SLC17A8: variants seen among roughly 807,000 people sequenced by gnomAD.
SLC17A8 encodes solute carrier family 17 member 8, also known as vesicular glutamate transporter 3.
In SLC17A8, 31 loss-of-function variants were observed where a neutral mutation model predicts 58.0. The ratio of observed to expected loss-of-function variants is 0.53; its 90% CI spans 0.40 to 0.72. The LOEUF (loss-of-function observed/expected upper bound fraction) is 0.72. Ranked by LOEUF, SLC17A8 falls within the 30% of genes least tolerant of loss-of-function variation. SLC17A8 has a pLI of 0.00. For synonymous variants in SLC17A8, 228 were observed against 249.0 expected (o/e 0.92, Z 0.79); for missense variants, 655 against 727.8 (o/e 0.90, Z 1.15).
intron 5 of SLC17A8, 106 bp downstream of exon 5, chr12:100,396,523 A>G: frequency 1.2e-6 from 1 of 820,358 alleles, no homozygotes; most frequent in Non-Finnish European, 2.1e-6. Context: ...CCGAGGCAGG[A>G]GGATCCCTGG....
intron 5 of SLC17A8, among the ~76,000 whole-genome samples, chr12:100,397,741 A>G (rs1271782810): frequency 1.3e-5 from 2 of 152,122 alleles, no homozygotes; most frequent in Non-Finnish European, 2.9e-5. Flanking sequence ...TAGGAGTTTG[A>G]GACCAACCTG....
At chr12:100,400,739 C>T (rs1952785156) in intron 5 of SLC17A8, among the ~76,000 whole-genome samples, 1 of 151,946 alleles carries the variant, frequency 6.6e-6, no homozygotes, top group Admixed American at 6.6e-5. Context: ...GTAACTTCTC[C>T]TTTCAGCTAA....
At chr12:100,403,330 G>A (rs896422137) in intron 8 of SLC17A8, among the ~76,000 whole-genome samples, 2 of 152,054 alleles carry the variant, frequency 1.3e-5, no homozygotes, top group Admixed American at 6.5e-5. Context: ...TTAGCTGGGC[G>A]TAGTGATGCA....
At chr12:100,419,022 T>C (rs1474571442) in intron 11 of SLC17A8, among the ~76,000 whole-genome samples, 1 of 152,214 alleles carries the variant, frequency 6.6e-6, no homozygotes, top group Non-Finnish European at 1.5e-5. Flanking sequence ...TTTTTTGACA[T>C]ACTTTTTTTT....
intron 10 of SLC17A8, among the ~76,000 whole-genome samples, chr12:100,417,815 C>G (rs745630592): frequency 6.6e-6 from 1 of 152,134 alleles, no homozygotes; most frequent in Non-Finnish European, 1.5e-5. Flanking sequence ...TAGAGAGAGC[C>G]CTTGATAGAT....
chr12:100,396,376 C>G lies in SLC17A8; in HGVS notation c.635C>G (p.Pro212Arg), dbSNP rs1952754049. Reference sequence around the variant, plus strand: ...CATGGGATGTGGAGTAAGTGGGCACCACCTTTGGAGAGAAGCCGACTGGCC... The same window carrying G: ...CATGGGATGTGGAGTAAGTGGGCACGACCTTTGGAGAGAAGCCGACTGGCC... The part of the protein sequence containing the change: ...ACHGMWSKWA[P>R]PLERSRLATT... The change falls in exon 5 of 12, where the codon CCA (proline) becomes CGA (arginine). Residue 212 changes from proline (P) to arginine (R), a missense_variant. Pro to Arg is a moderately radical substitution (Grantham distance 103, BLOSUM62 -2). Coordinates refer to ENST00000323346, the MANE Select transcript of SLC17A8 (RefSeq NM_139319.3). 6.2e-7 allele frequency: 1 copy of G among 1,613,908 alleles called. No homozygotes were observed. Among genetic ancestry groups the G allele is most frequent in the Non-Finnish European group, 8.5e-7 (1 of 1,180,000 alleles).
At position 100,421,293 on chromosome 12, in the gene SLC17A8, G is replaced by A. The variant is rs1484061950; in HGVS notation, c.*1134G>A. On this transcript the variant is annotated 3_prime_UTR_variant, in exon 12 of 12. Transcript: ENST00000323346. ...CCTTTTCTGCTGGAGATTATATTAG[G>A]AAGTTTCATCAGATTGTATAAAATT... is the stretch of plus-strand genomic sequence containing the variant. The A allele has an allele frequency of 6.6e-6, 1 of 151,970 alleles. No individual in the cohort carries two copies. The highest frequency in any genetic ancestry group is 1.5e-5 in the Non-Finnish European group (1 of 67,992). The allele number at this position is 151,970 out of a possible 1,614,324, so 9.4% of individuals were successfully genotyped here. A position where few individuals can be genotyped will look rare whatever the true frequency, so the allele number is the denominator to read the frequency against.
intron 1 of SLC17A8, among the ~76,000 whole-genome samples, chr12:100,363,820 C>A (rs1328830559): frequency 2.0e-5 from 3 of 151,964 alleles, no homozygotes; most frequent in African/African-American, 4.8e-5. Context: ...GCAGATGGAT[C>A]ATTTGAGGTC....
At chr12:100,403,959 G>A in intron 8 of SLC17A8, 79 bp from the exon 9 acceptor site, 3 of 1,546,360 alleles carry the variant, frequency 1.9e-6, no homozygotes, top group Non-Finnish European at 2.7e-6. Flanking sequence ...GGGCTGTGGA[G>A]TGGAGGTGGG....
At chr12:100,401,954 A>G in intron 6 of SLC17A8, 91 bp downstream of exon 6, 1 of 970,938 alleles carries the variant, frequency 1.0e-6, no homozygotes, top group Non-Finnish European at 1.7e-6. Flanking sequence ...TTACATCAAA[A>G]TAGAGATTAC....
intron 11 of SLC17A8, 124 bp from the exon 12 acceptor site, chr12:100,419,691 A>T (rs1952933099): frequency 2.2e-6 from 2 of 890,760 alleles, no homozygotes; most frequent in Non-Finnish European, 3.5e-6. Context: ...CTCCCGCCCA[A>T]GGAGCCTCTA....
chr12:100,375,434 G>A (rs1011992915), intron 1 of SLC17A8, among the ~76,000 whole-genome samples: 8 of 152,142 alleles, frequency 5.3e-5, no homozygotes, highest in Non-Finnish European at 1.2e-4. Flanking sequence ...ATTTTGGCAT[G>A]GCCAGTGCAG....
At chr12:100,373,084 T>A (rs930703972) in intron 1 of SLC17A8, among the ~76,000 whole-genome samples, 2 of 152,158 alleles carry the variant, frequency 1.3e-5, no homozygotes, top group African/African-American at 4.8e-5. Flanking sequence ...GCTGGACAAC[T>A]GTGCCTGAGA....
At chr12:100,394,281 T>C (rs531293840) in intron 4 of SLC17A8, among the ~76,000 whole-genome samples, 1 of 152,188 alleles carries the variant, frequency 6.6e-6, no homozygotes, top group Admixed American at 6.5e-5. Flanking sequence ...TGTACTATTA[T>C]TTGCCTATTG....
Position 100,359,098 on chromosome 12 carries a change from G to A in SLC17A8, c.101+1606G>A, listed in dbSNP as rs1240365794. Among the ~76,000 whole-genome samples, 3 of 152,026 alleles carry A rather than the reference G, an allele frequency of 2.0e-5. No homozygotes were observed. In the East Asian group the frequency reaches 5.8e-4, roughly 29 times the overall value. The stretch of plus-strand genomic sequence containing the variant: ...TGCAGCGAGCCAAGATTGCGTCTCT[G>A]CACTCCAGCTAGGGTGACAGAGTCA... On this transcript the variant is annotated intron_variant, in intron 1 of 11. Coordinates refer to ENST00000323346, the MANE Select transcript of SLC17A8 (RefSeq NM_139319.3).
At chr12:100,401,201 G>A (rs1178975665) in intron 5 of SLC17A8, among the ~76,000 whole-genome samples, 1 of 151,682 alleles carries the variant, frequency 6.6e-6, no homozygotes, top group African/African-American at 2.4e-5. Context: ...GTTTTGCTAT[G>A]TTGACCAGGC....
chr12:100,401,343 C>T (rs1185332877), intron 5 of SLC17A8, among the ~76,000 whole-genome samples: 2 of 151,430 alleles, frequency 1.3e-5, no homozygotes, highest in African/African-American at 4.9e-5. Flanking sequence ...AAATCATGAT[C>T]TTTTAAATAA....
At chr12:100,403,408 G>A (rs1026551541) in intron 8 of SLC17A8, among the ~76,000 whole-genome samples, 2 of 151,870 alleles carry the variant, frequency 1.3e-5, no homozygotes, top group Non-Finnish European at 2.9e-5. Context: ...GGCAGAGGTT[G>A]CAGTGAGGCG....
intron 2 of SLC17A8, among the ~76,000 whole-genome samples, chr12:100,386,283 T>A (rs1209115388): frequency 3.9e-5 from 6 of 152,176 alleles, no homozygotes; most frequent in Non-Finnish European, 7.4e-5. Context: ...TTTTTAAAAA[T>A]TTATAATTTT....
Sources: allele counts gnomAD v4.1 joint callset (sites outside exome capture counted in the v4.1 genomes callset), GRCh38; gene constraint gnomAD v4.1.1; transcripts MANE v1.5; gene names NCBI Gene and HGNC (gene_info 2026-07-23, HGNC 2026-07-21).